The following PTPRD variants were observed in gnomAD, a reference collection of about 807,000 sequenced individuals.
The protein encoded by PTPRD is protein tyrosine phosphatase receptor type D, also known as receptor-type tyrosine-protein phosphatase delta.
PTPRD carries 34 observed loss-of-function variants against 214.5 expected under a neutral mutation model. That is an observed-to-expected ratio of 0.16 (90% confidence interval 0.12 to 0.21). The LOEUF (loss-of-function observed/expected upper bound fraction) is 0.21, where lower values mean the gene tolerates loss of function less well. Among genes scored for constraint, PTPRD ranks in the 10% least tolerant of loss-of-function variants. PTPRD has a pLI of 1.00. For missense variants in PTPRD, 2,545 were observed against 2,398.7 expected (o/e 1.06, Z -1.27); for synonymous variants, 1,128 against 845.7 (o/e 1.33, Z -5.79).
intron 4 of PTPRD, among the ~76,000 whole-genome samples, chr9:9,968,258 G>C (rs530880361): frequency 5.6e-4 from 86 of 152,250 alleles, no homozygotes; most frequent in African/African-American, 1.9e-3. Context: ...CAGTGAAGCT[G>C]GAGAGGAACA....
At chr9:8,525,300 T>A (rs2139227348) in intron 17 of PTPRD, 4 of 549,166 alleles carry the variant, frequency 7.3e-6, no homozygotes, top group Non-Finnish European at 1.3e-5. Context: ...TAATTAACAC[T>A]CTTATTTCCT....
chr9:8,484,046 T>C (rs2135746097), intron 30 of PTPRD, 73 bp downstream of exon 30: 1 of 1,531,030 alleles, frequency 6.5e-7, no homozygotes, highest in African/African-American at 1.4e-5. Flanking sequence ...TTACGACCTC[T>C]ATAATTTTGA....
intron 14 of PTPRD, among the ~76,000 whole-genome samples, chr9:8,542,264 TA>T (rs2078664963): frequency 6.6e-6 from 1 of 152,060 alleles, no homozygotes; most frequent in Admixed American, 6.6e-5. Flanking sequence ...AAATTGGCAT[TA>T]AAAAATGGCT....
intron 4 of PTPRD, among the ~76,000 whole-genome samples, chr9:9,984,421 A>C (rs1034733069): frequency 6.6e-6 from 1 of 152,196 alleles, no homozygotes; most frequent in African/African-American, 2.4e-5. Flanking sequence ...ATGTAGTTGT[A>C]ACCCACAGGA....
At chr9:9,960,223 A>G (rs1217228175) in intron 4 of PTPRD, among the ~76,000 whole-genome samples, 1 of 56,064 alleles carries the variant, frequency 1.8e-5, no homozygotes, top group Non-Finnish European at 3.0e-5. Flanking sequence ...TGAAAATTTG[A>G]AAAAAAAAAA....
chr9:10,222,698 G>T (rs2099575283), intron 3 of PTPRD, among the ~76,000 whole-genome samples: 2 of 152,036 alleles, frequency 1.3e-5, no homozygotes, highest in African/African-American at 4.8e-5. Flanking sequence ...GGTAAATACA[G>T]ACATGAGTTT....
At chr9:10,111,942 G>C (rs1203174472) in intron 3 of PTPRD, among the ~76,000 whole-genome samples, 1 of 152,120 alleles carries the variant, frequency 6.6e-6, no homozygotes, top group African/African-American at 2.4e-5. Flanking sequence ...ATTTCTATCA[G>C]TTTCGCATTT....
chr9:8,439,506 T>G (rs1175016823), intron 34 of PTPRD, among the ~76,000 whole-genome samples: 1 of 152,224 alleles, frequency 6.6e-6, no homozygotes, highest in Admixed American at 6.5e-5. Context: ...TTGTTTATTT[T>G]TTGAACTATT....
At chr9:9,157,408 A>C (rs2099882155) in intron 10 of PTPRD, among the ~76,000 whole-genome samples, 1 of 152,120 alleles carries the variant, frequency 6.6e-6, no homozygotes, top group Non-Finnish European at 1.5e-5. Flanking sequence ...AAGAATACTC[A>C]AATAAATAAA....
At chr9:9,955,089 C>G (rs2093792410) in intron 4 of PTPRD, among the ~76,000 whole-genome samples, 2 of 152,108 alleles carry the variant, frequency 1.3e-5, no homozygotes, top group African/African-American at 4.8e-5. Context: ...AGAAGATAGG[C>G]AATCTACTCC....
intron 14 of PTPRD, among the ~76,000 whole-genome samples, chr9:8,594,662 C>T (rs776901866): frequency 6.6e-6 from 1 of 152,036 alleles, no homozygotes; most frequent in Non-Finnish European, 1.5e-5. Context: ...GACTGTTCCT[C>T]CTTCCGACGC....
chr9:9,225,654 G>T lies in PTPRD; in HGVS notation c.-202-42291C>A, dbSNP rs148723347. Among the ~76,000 whole-genome samples the T allele has an allele frequency of 6.8e-3, 1,030 of 152,080 alleles. 10 individuals carry two copies. Among genetic ancestry groups the T allele is most frequent in the African/African-American group, 0.023 (957 of 41,510 alleles). ...TACCTTGAGACATAATCTTTTTCAT[G>T]TAAAGGATAGCGCATTTAAGAATTC... On this transcript the variant is annotated intron_variant, in intron 9 of 45. Coordinates refer to ENST00000381196, the MANE Select transcript of PTPRD (RefSeq NM_002839.4).
intron 3 of PTPRD, among the ~76,000 whole-genome samples, chr9:10,129,512 T>G (rs1432059327): frequency 6.6e-6 from 1 of 150,534 alleles, no homozygotes; most frequent in African/African-American, 2.4e-5. Context: ...TTTTTTTTTT[T>G]TTTTCTCACT....
chr9:10,486,880 T>A (rs2099136231), intron 2 of PTPRD, among the ~76,000 whole-genome samples: 1 of 152,222 alleles, frequency 6.6e-6, no homozygotes. Context: ...CTAGAAGATC[T>A]GTCCCATGTT....
chr9:10,200,266 C>T (rs1033389343), intron 3 of PTPRD, among the ~76,000 whole-genome samples: 1 of 152,070 alleles, frequency 6.6e-6, no homozygotes, highest in African/African-American at 2.4e-5. Context: ...TTCCCATAGA[C>T]TGATAAGCTG....
At chr9:8,707,406 G>A (rs2098232935) in intron 12 of PTPRD, among the ~76,000 whole-genome samples, 1 of 152,214 alleles carries the variant, frequency 6.6e-6, no homozygotes, top group Non-Finnish European at 1.5e-5. Context: ...GCCAGCTTCT[G>A]TGATTTGAGT....
Position 8,499,654 on chromosome 9 carries a change from T to A in PTPRD, c.2315A>T (p.Asp772Val), listed in dbSNP as rs1434452721. The A allele has an allele frequency of 3.1e-6, 5 of 1,613,242 alleles. No homozygotes were observed. Among genetic ancestry groups the A allele is most frequent in the Non-Finnish European group, 4.2e-6 (5 of 1,179,620 alleles). The part of the protein sequence containing the change: ...QPMLKDVMLA[D>V]AQWEFDDTTE... ...ATAATTTCAGAGGCTTACCTGTGCA[T>A]CAGCCAGCATGACATCTTTCAGCAT... The change falls in exon 25 of 46, where the codon GAT becomes GTT. Residue 772 changes from aspartate (D) to valine (V), a missense_variant. Coordinates refer to ENST00000381196, the MANE Select transcript of PTPRD (RefSeq NM_002839.4).
intron 28 of PTPRD, 24 bp downstream of exon 28, chr9:8,485,738 A>G (rs1185245928): frequency 2.6e-6 from 4 of 1,565,166 alleles, no homozygotes; most frequent in South Asian, 2.3e-5. Context: ...TAAAGGAGGA[A>G]GGCCGTAAGC....
At chr9:10,084,916 T>C (rs1475099258) in intron 3 of PTPRD, among the ~76,000 whole-genome samples, 1 of 151,672 alleles carries the variant, frequency 6.6e-6, no homozygotes, top group Non-Finnish European at 1.5e-5. Context: ...TCAATAGGAG[T>C]CTCAACTCTC....
Sources: gnomAD v4.1 joint callset for allele counts (sites outside exome capture counted in the v4.1 genomes callset) on GRCh38, gnomAD v4.1.1 for gene constraint, MANE v1.5 for transcripts, NCBI Gene and HGNC (gene_info 2026-07-23, HGNC 2026-07-21) for gene names.